The following ADGRL3 variants were observed in gnomAD, a reference collection of about 807,000 sequenced individuals.
The protein encoded by ADGRL3 is adhesion G protein-coupled receptor L3.
A neutral mutation model predicts 153.5 loss-of-function variants in ADGRL3; 62 were observed. The ratio of observed to expected loss-of-function variants is 0.40; its 90% CI spans 0.33 to 0.50. ADGRL3 has a LOEUF of 0.50. Ranked by LOEUF, ADGRL3 falls within the 20% of genes least tolerant of loss-of-function variation. The pLI is 0.47. For missense variants in ADGRL3, 1,641 were observed against 1,859.4 expected, an observed-to-expected ratio of 0.88 and a Z score of 2.16; for synonymous variants, 710 against 672.5, an observed-to-expected ratio of 1.06 and a Z score of -0.86.
chr4:61,670,024 G>T (rs539606067), intron 5 of ADGRL3, among the ~76,000 whole-genome samples: 1 of 152,136 alleles, frequency 6.6e-6, no homozygotes, highest in Admixed American at 6.5e-5. Context: ...GGCTGGGTGC[G>T]GTGGCTCATG....
At chr4:61,697,082 TTAAA>T (rs10561367) in intron 6 of ADGRL3, among the ~76,000 whole-genome samples, 54,915 of 151,668 alleles carry the variant, frequency 0.36, 11,472 homozygotes, top group Non-Finnish European at 0.49. Context: ...GTAGCATTGA[TTAAA>T]TAATCAATTG....
intron 5 of ADGRL3, among the ~76,000 whole-genome samples, chr4:61,675,750 C>A (rs2095169321): frequency 6.6e-6 from 1 of 151,540 alleles, no homozygotes; most frequent in Non-Finnish European, 1.5e-5. Flanking sequence ...GTGTAATAAT[C>A]ACATCAGGGT....
intron 9 of ADGRL3, among the ~76,000 whole-genome samples, chr4:61,830,004 C>CAA: frequency 6.8e-6 from 1 of 146,152 alleles, no homozygotes; most frequent in South Asian, 2.2e-4. Context: ...CCCATCTCTA[C>CAA]AAAAAAAAAA....
intron 5 of ADGRL3, among the ~76,000 whole-genome samples, chr4:61,649,798 G>A (rs758743999): frequency 2.6e-5 from 4 of 152,050 alleles, no homozygotes; most frequent in Non-Finnish European, 5.9e-5. Flanking sequence ...TACATTTTCT[G>A]TATCAGTTAT....
Position 61,748,371 on chromosome 4 carries a change from T to C in ADGRL3, c.1399+14817T>C, listed in dbSNP as rs2096702494. 2.6e-5 allele frequency among the ~76,000 whole-genome samples: 4 copies of C among 151,938 alleles called. No individual in the cohort carries two copies. In the South Asian group the frequency reaches 8.3e-4, roughly 31 times the overall value. On this transcript the variant is annotated intron_variant, in intron 8 of 26. Transcript: ENST00000683033. ...TGGAAAAAAACTACTTTAAAGTTCA[T>C]ATGGAACCAAAAAAGAGCCTGCATT...
chr4:61,856,604 CTTTTTTTTTTTTTTTT>C (rs1157019252), intron 9 of ADGRL3, among the ~76,000 whole-genome samples: 429 of 15,604 alleles, frequency 0.027, 4 homozygotes, highest in African/African-American at 0.064. Flanking sequence ...CTCTCTCTCT[CTTTTTTTTTTTTTTTT>C]TTTTTTTTTT....
intron 21 of ADGRL3, among the ~76,000 whole-genome samples, chr4:62,015,440 G>A (rs2099206978): frequency 6.6e-6 from 1 of 152,102 alleles, no homozygotes; most frequent in African/African-American, 2.4e-5. Context: ...TAACCCATGA[G>A]CATAAAAAGG....
intron 5 of ADGRL3, among the ~76,000 whole-genome samples, chr4:61,636,635 G>A (rs1448518042): frequency 6.6e-6 from 1 of 151,890 alleles, no homozygotes; most frequent in African/African-American, 2.4e-5. Flanking sequence ...AATGTTACCA[G>A]ATACGTATGT....
chr4:61,664,956 A>C (rs1245277838), intron 5 of ADGRL3, among the ~76,000 whole-genome samples: 1 of 152,158 alleles, frequency 6.6e-6, no homozygotes, highest in Non-Finnish European at 1.5e-5. Flanking sequence ...AGGCAACTGC[A>C]TGCCTCTCAG....
At position 61,568,143 on chromosome 4, in the gene ADGRL3, G is replaced by A. The variant is rs142370483; in HGVS notation, c.260-19084G>A. Among the ~76,000 whole-genome samples, 79 of 151,764 alleles carry A rather than the reference G, an allele frequency of 5.2e-4. No homozygotes were observed. The East Asian group carries it at 0.014, about 28-fold the overall frequency. ...GATTATTGTATTATCTGATTTCATC[G>A]GAAATATTCTTTCTCTATCAGCATA... On this transcript the variant is annotated intron_variant, in intron 4 of 26. Transcript: ENST00000683033.
chr4:61,354,859 C>T (rs540916725), intron 1 of ADGRL3, among the ~76,000 whole-genome samples: 44 of 152,192 alleles, frequency 2.9e-4, no homozygotes, highest in African/African-American at 1.0e-3. Flanking sequence ...CTGCCTTGAA[C>T]AGTGGTATAG....
intron 1 of ADGRL3, among the ~76,000 whole-genome samples, chr4:61,356,038 C>T (rs1390489567): frequency 6.6e-6 from 1 of 152,034 alleles, no homozygotes; most frequent in East Asian, 1.9e-4. Context: ...ACATTTGATA[C>T]ATACACATAG....
chr4:61,642,897 A>G (rs943638011), intron 5 of ADGRL3, among the ~76,000 whole-genome samples: 2 of 152,064 alleles, frequency 1.3e-5, no homozygotes, highest in Admixed American at 6.6e-5. Context: ...CATTTTCACG[A>G]TATTGATTCT....
intron 2 of ADGRL3, among the ~76,000 whole-genome samples, chr4:61,396,399 A>G (rs1399608855): frequency 1.3e-5 from 2 of 151,876 alleles, no homozygotes; most frequent in Admixed American, 6.6e-5. Flanking sequence ...CATAAATCAG[A>G]CCAAATTGAG....
At chr4:61,288,176 C>T (rs946357054) in intron 1 of ADGRL3, among the ~76,000 whole-genome samples, 2 of 151,954 alleles carry the variant, frequency 1.3e-5, no homozygotes, top group Non-Finnish European at 2.9e-5. Context: ...TTCCTCCCCT[C>T]ACTAAATAAC....
chr4:61,303,330 A>T (rs2094646001), intron 1 of ADGRL3, among the ~76,000 whole-genome samples: 1 of 152,176 alleles, frequency 6.6e-6, no homozygotes, highest in Admixed American at 6.5e-5. Context: ...TGGGAATAAT[A>T]ACCTTATAGG....
intron 4 of ADGRL3, among the ~76,000 whole-genome samples, chr4:61,563,242 G>T (rs2098802858): frequency 6.6e-6 from 1 of 152,098 alleles, no homozygotes; most frequent in Non-Finnish European, 1.5e-5. Flanking sequence ...TTGTAAATAA[G>T]CAGTAATATT....
intron 2 of ADGRL3, among the ~76,000 whole-genome samples, chr4:61,389,395 A>G (rs893376451): frequency 1.3e-5 from 2 of 152,064 alleles, no homozygotes; most frequent in Non-Finnish European, 2.9e-5. Context: ...TGTAGGGAGC[A>G]GAATTCTTTG....
Position 61,364,394 on chromosome 4 carries a change from A to G in ADGRL3, c.-239-18730A>G, listed in dbSNP as rs556976355. On this transcript the variant is annotated intron_variant, in intron 1 of 26. Coordinates refer to ENST00000683033, the MANE Select transcript of ADGRL3 (RefSeq NM_001387552.1). ...AATCATGAAATATGAGTATATGGGC[A>G]ATATATGTCGTGATTTATAAAAATT... Among the ~76,000 whole-genome samples, 120 of 151,932 alleles carry G rather than the reference A, an allele frequency of 7.9e-4. 1 individual carries two copies. The highest frequency in any genetic ancestry group is 1.7e-3 in the South Asian group (8 of 4,816).
Sources: allele counts gnomAD v4.1 joint callset (sites outside exome capture counted in the v4.1 genomes callset), GRCh38; gene constraint gnomAD v4.1.1; transcripts MANE v1.5; gene names NCBI Gene and HGNC (gene_info 2026-07-23, HGNC 2026-07-21).